Variants in CELF2 observed in about 807,000 individuals in gnomAD.
CELF2 encodes CUG triplet repeat RNA-binding protein 2.
Under a neutral mutation model 62.6 loss-of-function variants are expected in CELF2, and 8 were observed. The observed-to-expected ratio is 0.13, with a 90% confidence interval of 0.07 to 0.23. CELF2 has a LOEUF of 0.23. CELF2 is among the 10% of genes least tolerant of loss of function. The probability of loss-of-function intolerance (pLI) is 1.00; values close to 1 mark genes in which losing one functional copy is unlikely to be tolerated. For missense variants in CELF2, 333 were observed against 671.0 expected, an observed-to-expected ratio of 0.50 and a Z score of 5.56; for synonymous variants, 258 against 250.0, an observed-to-expected ratio of 1.03 and a Z score of -0.30.
At chr10:10,526,303 T>C in the CELF2 span, among the ~76,000 whole-genome samples, 1 of 152,242 alleles carries the variant, frequency 6.6e-6, no homozygotes, top group Admixed American at 6.5e-5. Flanking sequence ...ATTTATTGCA[T>C]AAACATTTCC....
intron 2 of CELF2, among the ~76,000 whole-genome samples, chr10:11,175,374 T>C (rs1249516200): frequency 6.6e-6 from 1 of 151,938 alleles, no homozygotes; most frequent in Non-Finnish European, 1.5e-5. Flanking sequence ...AAGGAGGGAT[T>C]GTGTTCTCAA....
the CELF2 span, among the ~76,000 whole-genome samples, chr10:10,754,499 T>C: frequency 6.6e-6 from 1 of 152,110 alleles, no homozygotes; most frequent in Non-Finnish European, 1.5e-5. Flanking sequence ...GAAGAGACAC[T>C]AGACAGCTTC....
At chr10:10,778,212 A>T in the CELF2 span, among the ~76,000 whole-genome samples, 1 of 152,288 alleles carries the variant, frequency 6.6e-6, no homozygotes, top group East Asian at 1.9e-4. Context: ...TTTGAAAGGG[A>T]TCTTACGCAG....
the CELF2 span, among the ~76,000 whole-genome samples, chr10:10,493,963 A>G: frequency 6.6e-6 from 1 of 152,106 alleles, no homozygotes; most frequent in South Asian, 2.1e-4. Context: ...CTGACCATCC[A>G]AAGCAGAAGA....
chr10:11,279,917 A>T (rs983384769), intron 8 of CELF2, among the ~76,000 whole-genome samples: 2 of 152,100 alleles, frequency 1.3e-5, no homozygotes, highest in Non-Finnish European at 1.5e-5. Flanking sequence ...AACTTACTGA[A>T]ATGTTTTGCA....
intron 1 of CELF2, among the ~76,000 whole-genome samples, chr10:11,132,408 C>T (rs1222791605): frequency 2.6e-5 from 4 of 152,112 alleles, no homozygotes; most frequent in Admixed American, 6.5e-5. Flanking sequence ...GAAGGAAATA[C>T]GGACATATTT....
the CELF2 span, among the ~76,000 whole-genome samples, chr10:10,698,386 A>G: frequency 6.6e-6 from 1 of 152,212 alleles, no homozygotes; most frequent in Non-Finnish European, 1.5e-5. Flanking sequence ...GTAAATAACA[A>G]AACCAACATC....
the CELF2 span, among the ~76,000 whole-genome samples, chr10:10,761,429 T>A: frequency 1.6e-4 from 25 of 152,234 alleles, no homozygotes; most frequent in Non-Finnish European, 2.8e-4. Context: ...ATGAAAAATG[T>A]ATGTTGATTA....
At chr10:10,873,013 A>G (rs2060850978) in intron 1 of CELF2, among the ~76,000 whole-genome samples, 1 of 152,082 alleles carries the variant, frequency 6.6e-6, no homozygotes, top group South Asian at 2.1e-4. Context: ...TGCTTGCCTC[A>G]TGTCAGCTTT....
intron 1 of CELF2, among the ~76,000 whole-genome samples, chr10:10,827,068 C>T (rs1407904772): frequency 6.6e-6 from 1 of 151,642 alleles, no homozygotes; most frequent in Non-Finnish European, 1.5e-5. Flanking sequence ...ATTCTGCGCC[C>T]TCCTGGAAAT....
At chr10:11,152,158 T>G (rs140099641) in intron 1 of CELF2, among the ~76,000 whole-genome samples, 1 of 152,192 alleles carries the variant, frequency 6.6e-6, no homozygotes, top group Non-Finnish European at 1.5e-5. Flanking sequence ...GGACTTGGGC[T>G]GTTCCACATG....
chr10:10,655,052 A>G, the CELF2 span, among the ~76,000 whole-genome samples: 5 of 149,614 alleles, frequency 3.3e-5, no homozygotes, highest in Admixed American at 6.7e-5. Flanking sequence ...TACAAAAATC[A>G]CAAGCATTCT....
chr10:10,795,246 T>TC (rs1440500927), upstream of CELF2, among the ~76,000 whole-genome samples: 3 of 151,960 alleles, frequency 2.0e-5, no homozygotes, highest in East Asian at 5.8e-4. Context: ...CAACTTTTTT[T>TC]TTTTTTTTTT....
At chr10:10,505,726 CA>C in the CELF2 span, among the ~76,000 whole-genome samples, 1 of 152,308 alleles carries the variant, frequency 6.6e-6, no homozygotes, top group East Asian at 1.9e-4. Context: ...ATCTGAAGTA[CA>C]GCAGATATTA....
At chr10:11,126,715 A>G (rs2058759298) in intron 1 of CELF2, among the ~76,000 whole-genome samples, 1 of 152,202 alleles carries the variant, frequency 6.6e-6, no homozygotes, top group Non-Finnish European at 1.5e-5. Flanking sequence ...TAAGTCTTTG[A>G]CATTTCATAA....
At chr10:11,086,298 G>A (rs778524157) in intron 1 of CELF2, among the ~76,000 whole-genome samples, 23 of 152,052 alleles carry the variant, frequency 1.5e-4, no homozygotes, top group Middle Eastern at 3.4e-3. Context: ...AATAACAACC[G>A]TATTTTTCCC....
At chr10:10,604,675 C>T in the CELF2 span, among the ~76,000 whole-genome samples, 528 of 151,608 alleles carry the variant, frequency 3.5e-3, no homozygotes, top group Non-Finnish European at 5.7e-3. Context: ...GTGAGCAGCC[C>T]AGAGTCTCAA....
chr10:11,103,205 C>G (rs1194510713), intron 1 of CELF2, among the ~76,000 whole-genome samples: 1 of 152,172 alleles, frequency 6.6e-6, no homozygotes, highest in Non-Finnish European at 1.5e-5. Flanking sequence ...AAAATCCACG[C>G]TTTGCCAGAG....
the CELF2 span, among the ~76,000 whole-genome samples, chr10:10,664,798 C>T: frequency 1.3e-5 from 2 of 152,196 alleles, no homozygotes; most frequent in African/African-American, 4.8e-5. Context: ...AGATCTCCCT[C>T]TTCCATTCCT....
Sources: allele counts gnomAD v4.1 joint callset (sites outside exome capture counted in the v4.1 genomes callset), GRCh38; gene constraint gnomAD v4.1.1; transcripts MANE v1.5; gene names NCBI Gene and HGNC (gene_info 2026-07-23, HGNC 2026-07-21).